IGF2BP2: variants seen among roughly 807,000 people sequenced by gnomAD.
IGF2BP2 encodes insulin like growth factor 2 mRNA binding protein 2, also known as insulin-like growth factor 2 mRNA-binding protein 2.
IGF2BP2 carries 17 observed loss-of-function variants against 75.8 expected under a neutral mutation model. The observed-to-expected ratio is 0.22, with a 90% confidence interval of 0.15 to 0.34. The LOEUF is 0.34. Ranked by LOEUF, IGF2BP2 falls within the 10% of genes least tolerant of loss-of-function variation. IGF2BP2 has a pLI of 1.00. For missense variants in IGF2BP2, 516 were observed against 772.4 expected (o/e 0.67, Z 3.93); for synonymous variants, 288 against 295.6 (o/e 0.97, Z 0.26).
chr3:185,797,789 T>C (rs891590626), intron 2 of IGF2BP2, among the ~76,000 whole-genome samples: 2 of 149,902 alleles, frequency 1.3e-5, no homozygotes, highest in Non-Finnish European at 1.5e-5. Flanking sequence ...CCTGTAGTCC[T>C]AGCTACTGAG....
intron 7 of IGF2BP2, among the ~76,000 whole-genome samples, chr3:185,678,138 A>T (rs1040676143): frequency 6.6e-6 from 1 of 152,202 alleles, no homozygotes; most frequent in Non-Finnish European, 1.5e-5. Flanking sequence ...ATCCACAGAA[A>T]ACCACACTGA....
At chr3:185,702,076 G>A (rs1723384098) in intron 2 of IGF2BP2, among the ~76,000 whole-genome samples, 1 of 152,146 alleles carries the variant, frequency 6.6e-6, no homozygotes, top group South Asian at 2.1e-4. Flanking sequence ...CTTTTCGGTT[G>A]TTCTGGTAGC....
At chr3:185,687,781 A>C (rs969837309) in intron 6 of IGF2BP2, among the ~76,000 whole-genome samples, 2 of 152,210 alleles carry the variant, frequency 1.3e-5, no homozygotes, top group Non-Finnish European at 2.9e-5. Flanking sequence ...TTGTGGTCCT[A>C]CCTGTTTTTG....
chr3:185,712,388 A>G (rs1299417460), intron 2 of IGF2BP2: 1 of 152,168 alleles, frequency 6.6e-6, no homozygotes, highest in Non-Finnish European at 1.5e-5. Context: ...AATTTTAAAT[A>G]TATTCCCTAG....
intron 6 of IGF2BP2, among the ~76,000 whole-genome samples, chr3:185,688,496 C>A (rs887162186): frequency 6.6e-6 from 1 of 152,174 alleles, no homozygotes; most frequent in Non-Finnish European, 1.5e-5. Flanking sequence ...GCGTGAGCCA[C>A]CACAACTGGC....
chr3:185,649,445 G>C lies in IGF2BP2; in HGVS notation c.1551C>G (p.Pro517=), dbSNP rs764409132. ...EVKLEAHIRV[P]SSTAGRVIGK... is the part of the protein sequence containing the mutation. ...CAATCACCCGGCCAGCTGTGGAAGA[G>C]GGCACTCTGATATGCGCTTCCAGCT... Residue 517 remains proline (P), a synonymous_variant, in exon 14 of 16, where the codon CCC becomes CCG. Coordinates refer to ENST00000382199, the MANE Select transcript of IGF2BP2 (RefSeq NM_006548.6). The C allele has an allele frequency of 1.9e-6, 3 of 1,613,916 alleles. No individual in the cohort carries two copies. The highest frequency in any genetic ancestry group is 2.7e-5 in the African/African-American group (2 of 74,916).
chr3:185,783,461 A>G (rs1302506994), intron 2 of IGF2BP2, among the ~76,000 whole-genome samples: 1 of 152,204 alleles, frequency 6.6e-6, no homozygotes, highest in Non-Finnish European at 1.5e-5. Flanking sequence ...CAGGACAAAG[A>G]GTTCCCAAGA....
Position 185,698,379 on chromosome 3 carries a change from T to C in IGF2BP2, c.240-32A>G, listed in dbSNP as rs901902579. 9 of 1,598,746 alleles carry C rather than the reference T, an allele frequency of 5.6e-6. No individual in the cohort carries two copies. In the African/African-American group the frequency reaches 1.1e-4, roughly 19 times the overall value. Reference sequence around the variant, plus strand: ...AGATAAAACCACAGACTATAACACTTTCTCCAGGACACAAACTACAGCAAA... The same window carrying C: ...AGATAAAACCACAGACTATAACACTCTCTCCAGGACACAAACTACAGCAAA... On this transcript the variant is annotated intron_variant, in intron 2 of 15. Transcript: ENST00000382199.
intron 7 of IGF2BP2, among the ~76,000 whole-genome samples, chr3:185,677,066 T>TATATATATATATATATAC (rs1719625267): frequency 2.6e-5 from 1 of 38,414 alleles, no homozygotes; most frequent in Non-Finnish European, 4.9e-5. Context: ...TATATATATA[T>TATATATATATATATATAC]ATAGAGAGAG....
intron 2 of IGF2BP2, among the ~76,000 whole-genome samples, chr3:185,782,768 G>A (rs902602936): frequency 2.6e-5 from 4 of 152,136 alleles, no homozygotes; most frequent in Admixed American, 2.0e-4. Context: ...CAGGGTACAA[G>A]GCTCTTACAC....
At chr3:185,703,688 C>T (rs755391213) in intron 2 of IGF2BP2, among the ~76,000 whole-genome samples, 9 of 152,058 alleles carry the variant, frequency 5.9e-5, no homozygotes, top group Non-Finnish European at 1.2e-4. Flanking sequence ...GCAGGAGAAT[C>T]ACTTGAACCT....
intron 2 of IGF2BP2, among the ~76,000 whole-genome samples, chr3:185,791,857 C>T (rs1368662327): frequency 6.6e-6 from 1 of 152,208 alleles, no homozygotes; most frequent in Non-Finnish European, 1.5e-5. Context: ...CCCCACATTC[C>T]TAATTCTTCA....
At chr3:185,711,960 C>T (rs964113700) in intron 2 of IGF2BP2, among the ~76,000 whole-genome samples, 1 of 152,208 alleles carries the variant, frequency 6.6e-6, no homozygotes, top group African/African-American at 2.4e-5. Context: ...CACCAAACTC[C>T]CCTTTCCCAG....
At chr3:185,677,854 A>C (rs1445172082) in intron 7 of IGF2BP2, among the ~76,000 whole-genome samples, 1 of 152,218 alleles carries the variant, frequency 6.6e-6, no homozygotes, top group Non-Finnish European at 1.5e-5. Context: ...AGCAGATTTG[A>C]CCAGACAGAG....
chr3:185,811,545 T>C (rs1216917790), intron 2 of IGF2BP2, among the ~76,000 whole-genome samples: 2 of 152,170 alleles, frequency 1.3e-5, no homozygotes, highest in Non-Finnish European at 2.9e-5. Context: ...ACATAAGAAC[T>C]CTGACTTCCA....
chr3:185,805,282 G>A (rs1380257567), intron 2 of IGF2BP2, among the ~76,000 whole-genome samples: 1 of 152,150 alleles, frequency 6.6e-6, no homozygotes. Flanking sequence ...GAGGAGTGTG[G>A]TGCTAACTTG....
At chr3:185,765,189 G>A (rs562849793) in intron 2 of IGF2BP2, among the ~76,000 whole-genome samples, 1 of 152,198 alleles carries the variant, frequency 6.6e-6, no homozygotes, top group Admixed American at 6.5e-5. Flanking sequence ...AGCTGCCAAA[G>A]CTCTGGCGTG....
intron 2 of IGF2BP2, among the ~76,000 whole-genome samples, chr3:185,761,273 G>A (rs1732325789): frequency 6.6e-6 from 1 of 152,136 alleles, no homozygotes; most frequent in African/African-American, 2.4e-5. Flanking sequence ...GTATGTGTGG[G>A]GCAGGATCAG....
At chr3:185,674,662 A>T (rs1341523152) in intron 9 of IGF2BP2, among the ~76,000 whole-genome samples, 1 of 152,234 alleles carries the variant, frequency 6.6e-6, no homozygotes, top group East Asian at 1.9e-4. Context: ...ATGCATTTTT[A>T]AAATTTAAAA....
Sources: gnomAD v4.1 joint callset for allele counts (sites outside exome capture counted in the v4.1 genomes callset) on GRCh38, gnomAD v4.1.1 for gene constraint, MANE v1.5 for transcripts, NCBI Gene and HGNC (gene_info 2026-07-23, HGNC 2026-07-21) for gene names.